CDKL3: variants seen among roughly 807,000 people sequenced by gnomAD.
CDKL3 encodes cyclin dependent kinase like 3.
CDKL3 carries 65 observed loss-of-function variants against 69.3 expected under a neutral mutation model. That is an observed-to-expected ratio of 0.94 (90% CI 0.77 to 1.15). The LOEUF is 1.15. Ranked by LOEUF, CDKL3 falls within the 50% of genes most tolerant of loss-of-function variation. The pLI is 0.00. For missense variants in CDKL3, 652 were observed against 689.2 expected, an observed-to-expected ratio of 0.95 and a Z score of 0.61; for synonymous variants, 202 against 221.6, an observed-to-expected ratio of 0.91 and a Z score of 0.79.
chr5:134,343,216 A>G (rs1750969623), intron 4 of CDKL3, among the ~76,000 whole-genome samples: 1 of 151,988 alleles, frequency 6.6e-6, no homozygotes, highest in Non-Finnish European at 1.5e-5. Context: ...AAAAAAAAAA[A>G]GGAAAGAAAG....
rs145042566 is a variant in CDKL3 at position 134,325,803 on chromosome 5, G to A, written c.540-3900C>T. Among the ~76,000 whole-genome samples the A allele has an allele frequency of 9.2e-3, 1,398 of 151,568 alleles. 22 individuals are homozygous for A. Among genetic ancestry groups the A allele is most frequent in the African/African-American group, 0.031 (1,271 of 41,370 alleles). ...TTTTGAGATGGAGTCTCGCTCTGTC[G>A]CCCAGGCTGGAGTGCAGTGGCGCGA... On this transcript the variant is annotated intron_variant, in intron 4 of 12. Transcript: ENST00000265334.
intron 9 of CDKL3, 22 bp from the exon 10 acceptor site, chr5:134,306,724 G>C: frequency 6.5e-6 from 4 of 620,026 alleles, no homozygotes; most frequent in Non-Finnish European, 1.1e-5. Context: ...AAATGAATGA[G>C]AAGTTACTAA....
chr5:134,348,182 G>A (rs1473722723), intron 4 of CDKL3, among the ~76,000 whole-genome samples: 1 of 152,144 alleles, frequency 6.6e-6, no homozygotes, highest in Non-Finnish European at 1.5e-5. Context: ...GAGGGCAGGA[G>A]TTCGAGACAG....
downstream of CDKL3, among the ~76,000 whole-genome samples, chr5:134,285,795 T>A (rs1257633964): frequency 6.6e-6 from 1 of 152,202 alleles, no homozygotes; most frequent in Non-Finnish European, 1.5e-5. Context: ...TTTAATAGCA[T>A]CCAAGTCACC....
chr5:134,333,477 GATACATTCCATCA>G (rs1473285157), intron 4 of CDKL3, among the ~76,000 whole-genome samples: 2 of 151,984 alleles, frequency 1.3e-5, no homozygotes, highest in Non-Finnish European at 2.9e-5. Flanking sequence ...CTTATTTTGA[GATACATTCCATCA>G]ATACCTAGTT....
At chr5:134,288,730 C>T (rs533261052) in intron 8 of CDKL3, among the ~76,000 whole-genome samples, 12 of 152,240 alleles carry the variant, frequency 7.9e-5, no homozygotes, top group African/African-American at 2.6e-4. Flanking sequence ...CCACTGTGTC[C>T]TGTGTGTGTT....
intron 10 of CDKL3, among the ~76,000 whole-genome samples, chr5:134,306,283 T>C (rs927568767): frequency 8.5e-5 from 13 of 152,082 alleles, no homozygotes; most frequent in Non-Finnish European, 1.9e-4. Context: ...TCCCTTGAGC[T>C]CAGGAGTTTG....
At chr5:134,323,076 G>A (rs1021823987) in intron 4 of CDKL3, among the ~76,000 whole-genome samples, 1 of 151,978 alleles carries the variant, frequency 6.6e-6, no homozygotes, top group Non-Finnish European at 1.5e-5. Context: ...CAACATTCAT[G>A]AAAGAAATAA....
chr5:134,300,401 T>C (rs549442702), intron 12 of CDKL3, among the ~76,000 whole-genome samples: 2 of 152,260 alleles, frequency 1.3e-5, no homozygotes, highest in African/African-American at 2.4e-5. Context: ...GATCTGATTG[T>C]ATAATTCGAA....
chr5:134,324,104 T>C (rs1773498368), intron 4 of CDKL3, among the ~76,000 whole-genome samples: 1 of 152,168 alleles, frequency 6.6e-6, no homozygotes, highest in African/African-American at 2.4e-5. Flanking sequence ...ATGCCCAGTA[T>C]CATATGTCAT....
In CDKL3 at chr5:134,303,143, G is replaced by A. The variant is rs559635829; in HGVS notation, c.1622-456C>T. Reference sequence around the variant, plus strand: ...GTCTCACTCTGTCACCCAGGCTGGAGTGCAGTGGCGCGATCTCGGCTCACT... The same window carrying A: ...GTCTCACTCTGTCACCCAGGCTGGAATGCAGTGGCGCGATCTCGGCTCACT... On this transcript the variant is annotated intron_variant, in intron 11 of 12. Coordinates refer to ENST00000265334, the MANE Select transcript of CDKL3 (RefSeq NM_001113575.2). 2.0e-5 allele frequency among the ~76,000 whole-genome samples: 3 copies of A among 151,642 alleles called. No homozygotes were observed. In the South Asian group the frequency reaches 6.2e-4, roughly 32 times the overall value.
intron 5 of CDKL3, among the ~76,000 whole-genome samples, chr5:134,319,835 T>G (rs1580943622): frequency 6.6e-6 from 1 of 152,244 alleles, no homozygotes; most frequent in Non-Finnish European, 1.5e-5. Context: ...CAAATGATTT[T>G]ACTATTAAGT....
chr5:134,326,837 A>G (rs200814255), intron 4 of CDKL3, among the ~76,000 whole-genome samples: 11,535 of 30,006 alleles, frequency 0.38, 700 homozygotes, highest in Middle Eastern at 0.43. Context: ...ATATATATAT[A>G]TATATATATA....
intron 4 of CDKL3, among the ~76,000 whole-genome samples, chr5:134,343,018 A>G (rs568584506): frequency 3.3e-5 from 5 of 152,264 alleles, no homozygotes; most frequent in African/African-American, 7.2e-5. Flanking sequence ...CAGCCGGGCC[A>G]ACGTGGTGAA....
At chr5:134,363,002 G>C (rs1581252924) in intron 2 of CDKL3, among the ~76,000 whole-genome samples, 1 of 152,202 alleles carries the variant, frequency 6.6e-6, no homozygotes, top group Non-Finnish European at 1.5e-5. Flanking sequence ...CTGCATAACA[G>C]TTGTTACAGT....
intron 4 of CDKL3, among the ~76,000 whole-genome samples, chr5:134,323,654 G>C (rs2149493708): frequency 6.6e-6 from 1 of 152,138 alleles, no homozygotes; most frequent in Non-Finnish European, 1.5e-5. Flanking sequence ...AATAGTGCTG[G>C]AACATACAAA....
At chr5:134,358,343 C>T (rs1378101140) in intron 3 of CDKL3, among the ~76,000 whole-genome samples, 1 of 152,140 alleles carries the variant, frequency 6.6e-6, no homozygotes, top group Admixed American at 6.5e-5. Flanking sequence ...AAAATCCTAG[C>T]TACAGTTCAA....
downstream of CDKL3, among the ~76,000 whole-genome samples, chr5:134,285,069 T>G (rs1303242871): frequency 6.6e-6 from 1 of 152,234 alleles, no homozygotes. Context: ...CCATGAAATC[T>G]TCACAATTTA....
intron 3 of CDKL3, among the ~76,000 whole-genome samples, chr5:134,358,375 A>G (rs1252134908): frequency 6.6e-6 from 1 of 152,154 alleles, no homozygotes; most frequent in African/African-American, 2.4e-5. Flanking sequence ...CTTTAGTTTT[A>G]CCTCATCTTG....
Sources: gnomAD v4.1 joint callset for allele counts (sites outside exome capture counted in the v4.1 genomes callset) on GRCh38, gnomAD v4.1.1 for gene constraint, MANE v1.5 for transcripts, NCBI Gene and HGNC (gene_info 2026-07-23, HGNC 2026-07-21) for gene names.